The following KIT variants were observed in gnomAD, a reference collection of about 807,000 sequenced individuals.
The protein encoded by KIT is mast/stem cell growth factor receptor Kit.
KIT carries 16 observed loss-of-function variants against 105.7 expected under a neutral mutation model. The observed-to-expected ratio is 0.15, with a 90% CI of 0.10 to 0.23. The LOEUF (loss-of-function observed/expected upper bound fraction) is 0.23. Ranked by LOEUF, KIT falls within the 10% of genes least tolerant of loss-of-function variation. The probability of loss-of-function intolerance (pLI) is 1.00; values close to 1 mark genes in which losing one functional copy is unlikely to be tolerated. For missense variants in KIT, 858 were observed against 1,213.8 expected, an observed-to-expected ratio of 0.71 and a Z score of 4.36; for synonymous variants, 438 against 441.1, an observed-to-expected ratio of 0.99 and a Z score of 0.09.
At chr4:54,676,470 A>T (rs1356768542) in intron 1 of KIT, among the ~76,000 whole-genome samples, 2 of 152,214 alleles carry the variant, frequency 1.3e-5, no homozygotes, top group Non-Finnish European at 2.9e-5. Context: ...TGCAATTCTC[A>T]GTTCTCCTTG....
intron 16 of KIT, among the ~76,000 whole-genome samples, chr4:54,732,867 G>T (rs903806526): frequency 3.9e-5 from 6 of 152,146 alleles, no homozygotes; most frequent in African/African-American, 1.4e-4. Context: ...TTTTAAAAGA[G>T]ATTATAATAA....
At chr4:54,725,114 G>A (rs1476954327) in intron 8 of KIT, among the ~76,000 whole-genome samples, 1 of 152,024 alleles carries the variant, frequency 6.6e-6, no homozygotes, top group African/African-American at 2.4e-5. Flanking sequence ...TGTTGTTGTT[G>A]TTGTTGTTGA....
chr4:54,706,121 A>G (rs2109701581), intron 5 of KIT, among the ~76,000 whole-genome samples: 1 of 152,216 alleles, frequency 6.6e-6, no homozygotes. Flanking sequence ...ATAATAGCTT[A>G]TAATAGTGTA....
chr4:54,731,738 C>T (rs1722608972), intron 15 of KIT, 133 bp from the exon 16 acceptor site: 2 of 911,984 alleles, frequency 2.2e-6, no homozygotes, highest in South Asian at 1.4e-5. Flanking sequence ...TTCCTGGACA[C>T]CAGGGAAGTG....
chr4:54,732,364 C>A (rs975240918), intron 16 of KIT, among the ~76,000 whole-genome samples: 2 of 152,114 alleles, frequency 1.3e-5, no homozygotes, highest in South Asian at 4.2e-4. Context: ...AGTTACAAGG[C>A]TTGGGGTGAA....
intron 5 of KIT, among the ~76,000 whole-genome samples, chr4:54,706,227 T>TA (rs34688139): frequency 4.2e-4 from 64 of 151,740 alleles, no homozygotes; most frequent in African/African-American, 1.5e-3. Context: ...ATAGATAATT[T>TA]AAAAAAAAAT....
At chr4:54,667,242 G>T (rs1028038400) in intron 1 of KIT, among the ~76,000 whole-genome samples, 7 of 152,064 alleles carry the variant, frequency 4.6e-5, no homozygotes, top group Admixed American at 1.3e-4. Context: ...TCAGTGGCAC[G>T]TTTGAGATCA....
At chr4:54,709,584 G>C (rs764166643) in intron 7 of KIT, 45 bp downstream of exon 7, 1 of 1,205,782 alleles carries the variant, frequency 8.3e-7, no homozygotes, top group African/African-American at 1.5e-5. Flanking sequence ...TTCTTTTAAA[G>C]TTGTGGCTCG....
intron 7 of KIT, among the ~76,000 whole-genome samples, chr4:54,719,962 G>A (rs1721758192): frequency 6.6e-6 from 1 of 152,132 alleles, no homozygotes. Flanking sequence ...TAGGGAAAGG[G>A]CTGGACCGAG....
rs374360197 is a variant in KIT, at chr4:54,725,832, A to T, written c.1347-25A>T. The T allele has an allele frequency of 2.5e-5, 40 of 1,607,572 alleles. No individual in the cohort carries two copies. In the African/African-American group the frequency reaches 5.1e-4, roughly 20 times the overall value. On this transcript the variant is annotated intron_variant, in intron 8 of 20. Coordinates refer to ENST00000288135, the MANE Select transcript of KIT (RefSeq NM_000222.3). ...TTTATTTATTTTCCTAGAGTAAGCCAGGGCTTTTGTTTTCTTCCCTTTAGA... is the reference window on the plus strand; with the variant it reads ...TTTATTTATTTTCCTAGAGTAAGCCTGGGCTTTTGTTTTCTTCCCTTTAGA...
chr4:54,694,005 G>T (rs1719887599), intron 1 of KIT, among the ~76,000 whole-genome samples: 1 of 152,072 alleles, frequency 6.6e-6, no homozygotes, highest in Non-Finnish European at 1.5e-5. Flanking sequence ...GATTCTCTGG[G>T]ATCTCACTAT....
Position 54,738,307 on chromosome 4 carries a change from G to T in KIT, c.2803-122G>T, listed in dbSNP as rs2109816860. The T allele has an allele frequency of 4.8e-6, 6 of 1,248,920 alleles. No homozygotes were observed. The South Asian group carries it at 7.2e-5, about 15-fold the overall frequency. 77.4% of individuals were successfully genotyped at this position (1,248,920 alleles called of 1,614,324 possible). ...TTGGGTTTTGGCCACAAAGTTCTTGGAAACCACTTCTCTCTTAAGAGTTTC... is the reference window on the plus strand; with the variant it reads ...TTGGGTTTTGGCCACAAAGTTCTTGTAAACCACTTCTCTCTTAAGAGTTTC... On this transcript the variant is annotated intron_variant, in intron 20 of 20. Transcript: ENST00000288135.
intron 1 of KIT, among the ~76,000 whole-genome samples, chr4:54,666,000 C>G (rs540087773): frequency 6.6e-6 from 1 of 152,176 alleles, no homozygotes; most frequent in Admixed American, 6.5e-5. Flanking sequence ...CTGCATTAGG[C>G]CATGTTTAAG....
chr4:54,699,658 G>T lies in KIT; in HGVS notation c.648G>T (p.Val216=), dbSNP rs1396161786. The part of the protein sequence containing the change: ...PAFKAVPVVS[V]SKASYLLREG... ...TCAAAGCTGTGCCTGTTGTGTCTGTGTCCAAAGCAAGCTATCTTCTTAGGG... is the reference window on the plus strand; with the variant it reads ...TCAAAGCTGTGCCTGTTGTGTCTGTTTCCAAAGCAAGCTATCTTCTTAGGG... Residue 216 remains valine, a synonymous_variant, in exon 4 of 21, where the codon GTG becomes GTT. Transcript: ENST00000288135. The T allele has an allele frequency of 6.2e-7, 1 of 1,614,004 alleles. No homozygotes were observed. Among genetic ancestry groups the T allele is most frequent in the Admixed American group, 1.7e-5 (1 of 60,018 alleles).
At chr4:54,673,894 C>T (rs1038639438) in intron 1 of KIT, among the ~76,000 whole-genome samples, 12 of 152,056 alleles carry the variant, frequency 7.9e-5, no homozygotes, top group Non-Finnish European at 1.8e-4. Flanking sequence ...CTCAGCCTCC[C>T]GAGTAGCTGG....
chr4:54,703,350 A>G (rs1720571929), intron 4 of KIT, among the ~76,000 whole-genome samples: 1 of 152,226 alleles, frequency 6.6e-6, no homozygotes, highest in South Asian at 2.1e-4. Context: ...ATTGGGACAT[A>G]GAAGAGAAAA....
chr4:54,677,606 A>G (rs1718572161), intron 1 of KIT, among the ~76,000 whole-genome samples: 1 of 152,186 alleles, frequency 6.6e-6, no homozygotes. Flanking sequence ...AGTTGATGGC[A>G]GGCTGGGGGT....
rs778615486 is a variant in KIT at position 54,709,509 on chromosome 4, G to A, written c.1201G>A (p.Ala401Thr). The A allele has an allele frequency of 1.1e-5, 18 of 1,610,642 alleles. No homozygotes were observed. In the South Asian group the frequency reaches 1.4e-4, roughly 13 times the overall value. ...TFLVSNSDVN[A>T]AIAFNVYVNT... ...CCTAGTGTCCAATTCTGACGTCAAT[G>A]CTGCCATAGCATTTAATGTTTATGT... Residue 401 changes from alanine to threonine, a missense_variant, in exon 7 of 21, where the codon GCT becomes ACT. By Grantham distance (58) the Ala-to-Thr change is moderately conservative. Transcript: ENST00000288135.
chr4:54,658,241 C>G (rs976414308), intron 1 of KIT, among the ~76,000 whole-genome samples, 160 bp downstream of exon 1: 1 of 152,138 alleles, frequency 6.6e-6, no homozygotes, highest in Admixed American at 6.5e-5. Flanking sequence ...CTCGGACTCT[C>G]CGGCGCCCTG....
Sources: allele counts gnomAD v4.1 joint callset (sites outside exome capture counted in the v4.1 genomes callset), GRCh38; gene constraint gnomAD v4.1.1; transcripts MANE v1.5; gene names NCBI Gene and HGNC (gene_info 2026-07-23, HGNC 2026-07-21).